CAMTA1: variants seen among roughly 807,000 people sequenced by gnomAD.
The protein encoded by CAMTA1 is calmodulin binding transcription activator 1.
In CAMTA1, 27 loss-of-function variants were observed where a neutral mutation model predicts 170.9. The ratio of observed to expected loss-of-function variants is 0.16; its 90% confidence interval spans 0.12 to 0.22. The LOEUF (loss-of-function observed/expected upper bound fraction) is 0.22, where lower values mean the gene tolerates loss of function less well. Ranked by LOEUF, CAMTA1 falls within the 10% of genes least tolerant of loss-of-function variation. CAMTA1 has a pLI of 1.00. For missense variants in CAMTA1, 1,619 were observed against 2,217.2 expected, an observed-to-expected ratio of 0.73 and a Z score of 5.42; for synonymous variants, 833 against 891.5, an observed-to-expected ratio of 0.93 and a Z score of 1.17.
chr1:7,235,926 T>G (rs1574093843), intron 4 of CAMTA1, among the ~76,000 whole-genome samples: 2 of 152,222 alleles, frequency 1.3e-5, no homozygotes, highest in East Asian at 3.9e-4. Context: ...CTTGTCCTTA[T>G]TATTCGTATG....
rs539806170 is a variant in CAMTA1 at position 7,063,983 on chromosome 1, C to T, written c.235-27321C>T. Among the ~76,000 whole-genome samples the T allele has an allele frequency of 1.3e-5, 2 of 152,238 alleles. No homozygotes were observed. Among genetic ancestry groups the T allele is most frequent in the African/African-American group, 2.4e-5 (1 of 41,462 alleles). ...GGCTGGGAAGTCCAAGATTAAGGCACTGGCAGATTCGATTCCTGATGATGG... is the reference window on the plus strand; with the variant it reads ...GGCTGGGAAGTCCAAGATTAAGGCATTGGCAGATTCGATTCCTGATGATGG... On this transcript the variant is annotated intron_variant, in intron 3 of 22. Transcript: ENST00000303635. This position sits in a 1 kb window ranked among gnomAD's most constrained non-coding sequence, Gnocchi z 4.3.
chr1:6,956,020 G>A (rs759667491), intron 3 of CAMTA1, among the ~76,000 whole-genome samples: 8 of 152,244 alleles, frequency 5.3e-5, no homozygotes, highest in Non-Finnish European at 8.8e-5. Flanking sequence ...TCTTCCGCTC[G>A]AGCAGGTGCT....
intron 11 of CAMTA1, among the ~76,000 whole-genome samples, chr1:7,716,191 C>T (rs2096608654): frequency 1.3e-5 from 2 of 152,044 alleles, no homozygotes; most frequent in South Asian, 4.2e-4. Context: ...TGCCACCGTG[C>T]CCAGCTAATT....
chr1:6,800,975 G>A (rs77294768), intron 1 of CAMTA1, among the ~76,000 whole-genome samples: 10,366 of 152,262 alleles, frequency 0.068, 411 homozygotes, highest in Non-Finnish European at 0.088. Context: ...CTTTCACAAA[G>A]CTTTGATGAA....
intron 5 of CAMTA1, among the ~76,000 whole-genome samples, chr1:7,466,144 G>A (rs55784200): frequency 2.5e-4 from 38 of 152,282 alleles, no homozygotes; most frequent in Non-Finnish European, 4.7e-4. Flanking sequence ...GCAACCAAAC[G>A]CTTAGACAAA....
chr1:7,627,646 C>CAGTT (rs1271441571), intron 6 of CAMTA1, among the ~76,000 whole-genome samples: 13 of 152,338 alleles, frequency 8.5e-5, no homozygotes, highest in Admixed American at 7.8e-4. Flanking sequence ...GAACCTAAGG[C>CAGTT]AGTTGTCTCT....
At chr1:7,566,235 T>A (rs1203274553) in intron 6 of CAMTA1, among the ~76,000 whole-genome samples, 1 of 152,066 alleles carries the variant, frequency 6.6e-6, no homozygotes, top group African/African-American at 2.4e-5. Context: ...CCCCAGGCAC[T>A]CACTGTCCCT....
In CAMTA1 at chr1:6,822,774, G is replaced by A. The variant is rs114836777; in HGVS notation, c.116-2318G>A. Among the ~76,000 whole-genome samples, 576 of 151,002 alleles carry A rather than the reference G, an allele frequency of 3.8e-3. 5 individuals are homozygous for A. The highest frequency in any genetic ancestry group is 0.013 in the African/African-American group (536 of 41,108). On this transcript the variant is annotated intron_variant, in intron 2 of 22. Coordinates refer to ENST00000303635, the MANE Select transcript of CAMTA1 (RefSeq NM_015215.4). ...GCAGTTAATTGTGCTGTTGAGAAGA[G>A]TACCTTTATTACATAAATACCACAC...
intron 3 of CAMTA1, among the ~76,000 whole-genome samples, chr1:6,867,642 TA>T (rs1429058144): frequency 2.6e-5 from 4 of 152,236 alleles, no homozygotes; most frequent in Non-Finnish European, 4.4e-5. Flanking sequence ...ACATGAATTC[TA>T]ACATGAAATG....
At chr1:6,791,969 T>G (rs949664603) in intron 1 of CAMTA1, among the ~76,000 whole-genome samples, 22 of 152,008 alleles carry the variant, frequency 1.4e-4, no homozygotes, top group Middle Eastern at 3.4e-3. Flanking sequence ...AAGTGTTTCT[T>G]TTCTTTTTTT....
chr1:7,419,756 A>T (rs1214957897), intron 5 of CAMTA1, among the ~76,000 whole-genome samples: 1 of 151,852 alleles, frequency 6.6e-6, no homozygotes, highest in African/African-American at 2.4e-5. Context: ...CTGTCATCCC[A>T]CCTGAACCAG....
In CAMTA1 at chr1:7,664,254, G is replaced by T. The variant is rs2095983982; in HGVS notation, c.1707G>T (p.Leu569=). The T allele has an allele frequency of 1.2e-6, 2 of 1,612,504 alleles. No homozygotes were observed. Among genetic ancestry groups the T allele is most frequent in the African/African-American group, 2.7e-5 (2 of 74,940 alleles). The part of the protein sequence containing the change: ...SLTLTAGSSL[L]PSGGGLSPST... ...CCCTGACCGCCGGCTCCAGCCTCCT[G>T]CCGTCGGGCGGCGGCCTGAGTCCCA... The change falls in exon 9 of 23, where the codon CTG becomes CTT. Residue 569 remains leucine, a synonymous_variant. Transcript: ENST00000303635.
intron 5 of CAMTA1, among the ~76,000 whole-genome samples, chr1:7,361,989 AG>A (rs1321210100): frequency 5.9e-5 from 9 of 152,230 alleles, no homozygotes; most frequent in African/African-American, 2.2e-4. Context: ...TTGAATGCAT[AG>A]GCCATAATCC....
intron 3 of CAMTA1, among the ~76,000 whole-genome samples, chr1:6,959,494 C>T (rs934730889): frequency 9.0e-5 from 12 of 132,956 alleles, no homozygotes; most frequent in South Asian, 2.7e-4. Context: ...ACCGGTGTAC[C>T]GGGTCCCGGG....
At chr1:7,638,808 A>G (rs1576532694) in intron 6 of CAMTA1, among the ~76,000 whole-genome samples, 1 of 151,798 alleles carries the variant, frequency 6.6e-6, no homozygotes. Flanking sequence ...TTCTGGGGGG[A>G]CCATGAGAAA....
rs561331881 is a variant in CAMTA1 at position 7,467,148 on chromosome 1, C to T, written c.439-682C>T. Among the ~76,000 whole-genome samples, 22 of 152,320 alleles carry T rather than the reference C, an allele frequency of 1.4e-4. No homozygotes were observed. In the East Asian group the frequency reaches 3.7e-3, roughly 25 times the overall value. On this transcript the variant is annotated intron_variant, in intron 5 of 22. Coordinates refer to ENST00000303635, the MANE Select transcript of CAMTA1 (RefSeq NM_015215.4). ...AGAGCCATCCCGACCCACAGTCCACCCTTCCTGACCTTGACTTTCCACCCA... is the reference window on the plus strand; with the variant it reads ...AGAGCCATCCCGACCCACAGTCCACTCTTCCTGACCTTGACTTTCCACCCA...
At chr1:7,089,672 G>A (rs777514488) in intron 3 of CAMTA1, among the ~76,000 whole-genome samples, 27 of 151,928 alleles carry the variant, frequency 1.8e-4, no homozygotes, top group Admixed American at 1.3e-4. Flanking sequence ...ATGTGTCAGC[G>A]ATAACGTGTT....
At chr1:7,172,269 C>A (rs1649783377) in intron 4 of CAMTA1, among the ~76,000 whole-genome samples, 1 of 152,148 alleles carries the variant, frequency 6.6e-6, no homozygotes, top group Non-Finnish European at 1.5e-5. Flanking sequence ...CCTGCCTCAG[C>A]CTCCTGAGTA....
intron 4 of CAMTA1, among the ~76,000 whole-genome samples, chr1:7,129,482 G>T (rs916609895): frequency 1.3e-5 from 2 of 152,186 alleles, no homozygotes; most frequent in Non-Finnish European, 2.9e-5. Flanking sequence ...AGCGTTTTGT[G>T]ACCAAGAGTC....
Sources: allele counts gnomAD v4.1 joint callset (sites outside exome capture counted in the v4.1 genomes callset), GRCh38; gene constraint gnomAD v4.1.1; non-coding constraint Gnocchi (gnomAD v3.1); transcripts MANE v1.5; gene names NCBI Gene and HGNC (gene_info 2026-07-23, HGNC 2026-07-21).